The following HDAC7 variants were observed in gnomAD, a reference collection of about 807,000 sequenced individuals.
The protein encoded by HDAC7 is histone deacetylase 7A.
In HDAC7, 26 loss-of-function variants were observed where a neutral mutation model predicts 115.5. The observed-to-expected ratio is 0.23, with a 90% confidence interval of 0.16 to 0.31. The LOEUF (loss-of-function observed/expected upper bound fraction) is 0.31. Among genes scored for constraint, HDAC7 ranks in the 10% least tolerant of loss-of-function variants. HDAC7 has a pLI of 1.00. For synonymous variants in HDAC7, 564 were observed against 550.9 expected (o/e 1.02, Z -0.33); for missense variants, 1,068 against 1,329.0 (o/e 0.80, Z 3.05).
Position 47,795,839 on chromosome 12 carries a change from C to T in HDAC7, c.906+67G>A. On this transcript the variant is annotated intron_variant, in intron 9 of 25. Coordinates refer to ENST00000080059, the MANE Select transcript of HDAC7 (RefSeq NM_015401.5). The surrounding 1 kb of genome is among the most constrained non-coding windows in gnomAD (Gnocchi z 4.3). ...GAACAATGAAGATGATGGGGTGAGGCAGCAAGAAAAGGGAGTGAAAGAAGC... is the reference window on the plus strand; with the variant it reads ...GAACAATGAAGATGATGGGGTGAGGTAGCAAGAAAAGGGAGTGAAAGAAGC... The T allele has an allele frequency of 6.6e-7, 1 of 1,515,768 alleles. No individual in the cohort carries two copies. Among genetic ancestry groups the T allele is most frequent in the Non-Finnish European group, 8.9e-7 (1 of 1,126,014 alleles). The allele number at this position is 1,515,768 out of a possible 1,614,324, so 93.9% of individuals were successfully genotyped here.
chr12:47,818,176 A>C (rs1461834289), intron 1 of HDAC7, among the ~76,000 whole-genome samples: 1 of 152,186 alleles, frequency 6.6e-6, no homozygotes. Flanking sequence ...CGGTGGCCAC[A>C]GAGACACCCG....
At chr12:47,789,147 G>A (rs928305751) in intron 19 of HDAC7, 114 bp downstream of exon 19, 4 of 816,188 alleles carry the variant, frequency 4.9e-6, no homozygotes, top group Admixed American at 2.1e-5. Flanking sequence ...AGGGGAAACT[G>A]AGGCTCAGAG....
intron 1 of HDAC7, among the ~76,000 whole-genome samples, chr12:47,812,778 C>T (rs1944721542): frequency 6.6e-6 from 1 of 152,236 alleles, no homozygotes; most frequent in Admixed American, 6.5e-5. Flanking sequence ...GTCTCAGAGC[C>T]ATCAGCATCC....
rs377686487 is a variant in HDAC7, at chr12:47,794,823, G to C, written c.1395C>G (p.His465Gln). The change falls in exon 12 of 26, where the codon CAC (histidine) becomes CAG (glutamine). Residue 465 changes from histidine to glutamine, a missense_variant. His to Gln is a conservative substitution (Grantham distance 24). Transcript: ENST00000080059. Reference sequence around the variant, plus strand: ...CAGGCTGCCCATGGCCCAGCTCCCTGTGCTCCAGGCCATCGTCCACCACCT... The same window carrying C: ...CAGGCTGCCCATGGCCCAGCTCCCTCTGCTCCAGGCCATCGTCCACCACCT... ...PGQVVDDGLE[H>Q]RELGHGQPEA... 1 of 1,613,066 alleles carries C rather than the reference G, an allele frequency of 6.2e-7. No homozygotes were observed. The highest frequency in any genetic ancestry group is 8.5e-7 in the Non-Finnish European group (1 of 1,179,910).
intron 24 of HDAC7, chr12:47,784,741 C>T (rs1943068024): frequency 6.5e-7 from 1 of 1,535,406 alleles, no homozygotes; most frequent in Admixed American, 2.0e-5. Flanking sequence ...GGAGAATGCT[C>T]CTCCTGCCTG....
intron 1 of HDAC7, among the ~76,000 whole-genome samples, chr12:47,805,812 C>T (rs567638008): frequency 6.6e-6 from 1 of 152,286 alleles, no homozygotes; most frequent in South Asian, 2.1e-4. Flanking sequence ...CAGGCCAGAC[C>T]AGTACAGGGG....
At position 47,798,753 on chromosome 12, in the gene HDAC7, G is replaced by A. The variant is rs375606661; in HGVS notation, c.258+32C>T. 2.6e-6 allele frequency: 4 copies of A among 1,554,536 alleles called. No individual in the cohort carries two copies. Among genetic ancestry groups the A allele is most frequent in the African/African-American group, 1.4e-5 (1 of 73,260 alleles). ...GGGGAGGCTGGGGACCAAGCTCAAG[G>A]TGGCCCCACATGCAGGGAGCTCCAT... On this transcript the variant is annotated intron_variant, in intron 3 of 25. Transcript: ENST00000080059. The surrounding 1 kb of genome is among the most constrained non-coding windows in gnomAD (Gnocchi z 4.3).
chr12:47,786,559 G>A (rs774122305), intron 22 of HDAC7, 26 bp downstream of exon 22: 20 of 1,524,592 alleles, frequency 1.3e-5, no homozygotes, highest in Admixed American at 6.7e-5. Context: ...TGTCCCTAAC[G>A]TCCCCCTCAG....
At position 47,785,494 on chromosome 12, in the gene HDAC7, C is replaced by G; in HGVS notation, c.2707-23G>C. Reference sequence around the variant, plus strand: ...CACCTATAGAAAACAGTACATCAGCCACCAGTCTCTCAGGGACCCACAGGC... The same window carrying G: ...CACCTATAGAAAACAGTACATCAGCGACCAGTCTCTCAGGGACCCACAGGC... On this transcript the variant is annotated intron_variant, in intron 23 of 25. Transcript: ENST00000080059. 5 of 1,596,222 alleles carry G rather than the reference C, an allele frequency of 3.1e-6. No individual in the cohort carries two copies. The South Asian group carries it at 5.7e-5, about 18-fold the overall frequency.
intron 1 of HDAC7, among the ~76,000 whole-genome samples, chr12:47,816,817 C>T (rs1325473540): frequency 1.3e-5 from 2 of 152,188 alleles, no homozygotes. Flanking sequence ...AGGCCAGCGA[C>T]TCAAGTTGCT....
chr12:47,791,155 A>C lies in HDAC7; in HGVS notation c.1983+104T>G, dbSNP rs1261286621. 4.3e-6 allele frequency: 5 copies of C among 1,155,318 alleles called. No homozygotes were observed. The East Asian group carries it at 1.3e-4, about 29-fold the overall frequency. The allele number at this position is 1,155,318 out of a possible 1,614,324, so 71.6% of individuals were successfully genotyped here. On this transcript the variant is annotated intron_variant, in intron 16 of 25. Transcript: ENST00000080059. ...TCCCTGGCTCACCCTGTCTGGCAGA[A>C]CCACAACAAGCAGAGGTTCTGCAGG...
rs1944255897 is a variant in HDAC7 at position 47,803,380 on chromosome 12, G to C, written c.20-1106C>G. Among the ~76,000 whole-genome samples the C allele has an allele frequency of 1.3e-5, 2 of 152,214 alleles. No homozygotes were observed. Among genetic ancestry groups the C allele is most frequent in the African/African-American group, 4.8e-5 (2 of 41,448 alleles). On this transcript the variant is annotated intron_variant, in intron 1 of 25. Transcript: ENST00000080059. This position sits in a 1 kb window ranked among gnomAD's most constrained non-coding sequence, Gnocchi z 4.0. ...GAGGCAGCCACAGTTCCTCTTCAGAGCCGAGAAATGAGAACTTCCTGCAGG... is the reference window on the plus strand; with the variant it reads ...GAGGCAGCCACAGTTCCTCTTCAGACCCGAGAAATGAGAACTTCCTGCAGG...
chr12:47,799,476 C>T (rs1045175237), intron 2 of HDAC7, among the ~76,000 whole-genome samples: 7 of 152,234 alleles, frequency 4.6e-5, no homozygotes, highest in South Asian at 2.1e-4. Context: ...CTCACAGGCC[C>T]TCTGGGTCGC....
At chr12:47,813,643 T>C (rs1320783769) in intron 1 of HDAC7, among the ~76,000 whole-genome samples, 1 of 151,830 alleles carries the variant, frequency 6.6e-6, no homozygotes, top group African/African-American at 2.4e-5. Flanking sequence ...GGAGACAGGG[T>C]GGGGATGGTG....
In HDAC7 at chr12:47,797,147, A is replaced by T; in HGVS notation, c.578-5T>A. ...GCTTCAGGTTGGGCTCAGAGACTGC[A>T]GGGAGCACCAGCGTCACTCAGGCCC... On this transcript the variant is annotated splice_region_variant and splice_polypyrimidine_tract_variant and intron_variant, in intron 6 of 25. Transcript: ENST00000080059. The surrounding 1 kb of genome is among the most constrained non-coding windows in gnomAD (Gnocchi z 5.5). The T allele has an allele frequency of 6.3e-7, 1 of 1,584,856 alleles. No homozygotes were observed. Among genetic ancestry groups the T allele is most frequent in the Non-Finnish European group, 8.6e-7 (1 of 1,165,900 alleles).
intron 1 of HDAC7, among the ~76,000 whole-genome samples, chr12:47,819,514 G>A (rs1433083923): frequency 6.6e-6 from 1 of 151,912 alleles, no homozygotes; most frequent in Non-Finnish European, 1.5e-5. Context: ...GCGGGCGGAT[G>A]TGGGCGCCCC....
intron 1 of HDAC7, chr12:47,802,512 T>C (rs1944219546): frequency 6.5e-7 from 1 of 1,549,804 alleles, no homozygotes; most frequent in Non-Finnish European, 8.7e-7. Context: ...TCATTCTAAA[T>C]GACTTGAACT....
At chr12:47,791,835 C>G (rs767552051) in intron 14 of HDAC7, 36 bp downstream of exon 14, 1 of 1,591,220 alleles carries the variant, frequency 6.3e-7, no homozygotes, top group African/African-American at 1.3e-5. Flanking sequence ...ACTCCTCCCT[C>G]CACCCATTCC....
Position 47,802,096 on chromosome 12 carries a change from CT to C in HDAC7, c.70+127del, listed in dbSNP as rs923925016. 16 of 1,011,214 alleles carry C rather than the reference CT, an allele frequency of 1.6e-5. No individual in the cohort carries two copies. In the Admixed American group the frequency reaches 3.6e-4, roughly 22 times the overall value. 62.6% of individuals were successfully genotyped at this position (1,011,214 alleles called of 1,614,324 possible). On this transcript the variant is annotated intron_variant, in intron 2 of 25. Coordinates refer to ENST00000080059, the MANE Select transcript of HDAC7 (RefSeq NM_015401.5). ...CCTCGCCCCTCCCTGGAGCCGCCAC[CT>C]CCTGGCTCTCTGGCAGATCAGCCAG...
Sources: allele counts gnomAD v4.1 joint callset (sites outside exome capture counted in the v4.1 genomes callset), GRCh38; gene constraint gnomAD v4.1.1; non-coding constraint Gnocchi (gnomAD v3.1); transcripts MANE v1.5; gene names NCBI Gene and HGNC (gene_info 2026-07-23, HGNC 2026-07-21).